TAOK3: variants seen among roughly 807,000 people sequenced by gnomAD.
TAOK3 encodes the protein serine/threonine-protein kinase TAO3.
Under a neutral mutation model 120.4 loss-of-function variants are expected in TAOK3, and 40 were observed. The ratio of observed to expected loss-of-function variants is 0.33; its 90% confidence interval spans 0.26 to 0.43. The LOEUF is 0.43. Ranked by LOEUF, TAOK3 falls within the 20% of genes least tolerant of loss-of-function variation. The pLI is 1.00. For missense variants in TAOK3, 821 were observed against 1,112.1 expected, an observed-to-expected ratio of 0.74 and a Z score of 3.72; for synonymous variants, 355 against 387.5, an observed-to-expected ratio of 0.92 and a Z score of 0.99.
intron 13 of TAOK3, among the ~76,000 whole-genome samples, chr12:118,193,013 A>G (rs887238678): frequency 3.3e-5 from 5 of 151,822 alleles, no homozygotes; most frequent in Non-Finnish European, 7.4e-5. Context: ...AGTTTTAAGT[A>G]AACCTACGTT....
At chr12:118,270,368 A>T (rs1376191244) in intron 1 of TAOK3, among the ~76,000 whole-genome samples, 1 of 152,114 alleles carries the variant, frequency 6.6e-6, no homozygotes, top group East Asian at 1.9e-4. Flanking sequence ...CATCTTTCTA[A>T]AGCATGGTTC....
chr12:118,233,592 T>C, intron 9 of TAOK3, 82 bp downstream of exon 9: 13 of 1,097,024 alleles, frequency 1.2e-5, no homozygotes, highest in Non-Finnish European at 1.8e-5. Flanking sequence ...CTAATCATTA[T>C]GATTCTTAAA....
At chr12:118,296,319 A>T (rs1348239382) in intron 1 of TAOK3, among the ~76,000 whole-genome samples, 1 of 152,158 alleles carries the variant, frequency 6.6e-6, no homozygotes, top group Admixed American at 6.5e-5. Flanking sequence ...TTTTTCGTAG[A>T]GACAGGGTTT....
chr12:118,213,033 G>T (rs1263292956), intron 10 of TAOK3, 38 bp from the exon 11 acceptor site: 1 of 1,403,292 alleles, frequency 7.1e-7, no homozygotes, highest in Non-Finnish European at 9.8e-7. Context: ...TAAACTCAGG[G>T]TCTGTAGAGC....
chr12:118,246,128 T>C, intron 3 of TAOK3: 3 of 1,390,136 alleles, frequency 2.2e-6, no homozygotes, highest in Non-Finnish European at 2.9e-6. Flanking sequence ...GAGGCCCTGG[T>C]GGCCCTGGGA....
At chr12:118,262,312 T>C (rs1048745070) in intron 2 of TAOK3, among the ~76,000 whole-genome samples, 2 of 151,796 alleles carry the variant, frequency 1.3e-5, no homozygotes, top group African/African-American at 4.8e-5. Context: ...TGAAACCCCA[T>C]CTCTATTAAA....
At chr12:118,219,463 A>ATGT (rs1353453052) in intron 9 of TAOK3, among the ~76,000 whole-genome samples, 9 of 152,106 alleles carry the variant, frequency 5.9e-5, no homozygotes, top group African/African-American at 1.7e-4. Context: ...TTTAATAAGT[A>ATGT]TGTATTCAGG....
chr12:118,256,927 A>G (rs1414544116), intron 2 of TAOK3, among the ~76,000 whole-genome samples: 1 of 152,230 alleles, frequency 6.6e-6, no homozygotes, highest in Non-Finnish European at 1.5e-5. Context: ...TTGTAGAGAT[A>G]TTACAAAAAT....
chr12:118,334,470 G>A (rs578204799), intron 1 of TAOK3, among the ~76,000 whole-genome samples: 1 of 152,302 alleles, frequency 6.6e-6, no homozygotes, highest in South Asian at 2.1e-4. Context: ...GAGAAATGGG[G>A]AGTTGCTAAT....
At chr12:118,188,682 T>C (rs1328462261) in intron 14 of TAOK3, among the ~76,000 whole-genome samples, 2 of 152,150 alleles carry the variant, frequency 1.3e-5, no homozygotes, top group African/African-American at 4.8e-5. Flanking sequence ...GAAATAGAAG[T>C]AGAAATCAGG....
At chr12:118,173,779 G>A (rs1195072270) in intron 16 of TAOK3, among the ~76,000 whole-genome samples, 1 of 152,140 alleles carries the variant, frequency 6.6e-6, no homozygotes, top group African/African-American at 2.4e-5. Context: ...TGTTAAGAAA[G>A]TACAGTATAC....
chr12:118,360,567 CAAAAAA>C (rs34592832), intron 1 of TAOK3, among the ~76,000 whole-genome samples: 2 of 86,354 alleles, frequency 2.3e-5, no homozygotes, highest in South Asian at 4.0e-4. Flanking sequence ...GACTCCGTCT[CAAAAAA>C]AAAAAAAAAA....
intron 1 of TAOK3, among the ~76,000 whole-genome samples, chr12:118,319,142 T>C (rs575572038): frequency 5.3e-4 from 80 of 152,366 alleles, no homozygotes; most frequent in Non-Finnish European, 1.0e-3. Flanking sequence ...GGATATGTTA[T>C]CTAGCTTGAT....
chr12:118,254,733 C>T (rs2040906148), intron 3 of TAOK3, among the ~76,000 whole-genome samples: 3 of 151,762 alleles, frequency 2.0e-5, no homozygotes, highest in African/African-American at 7.3e-5. Context: ...TGGAAATGCA[C>T]AAAGCTCAAC....
chr12:118,338,852 G>A (rs1248005379), intron 1 of TAOK3, among the ~76,000 whole-genome samples: 1 of 150,724 alleles, frequency 6.6e-6, no homozygotes, highest in African/African-American at 2.4e-5. Flanking sequence ...CCCTGTCTGA[G>A]GGAACTGGGG....
At position 118,225,980 on chromosome 12, in the gene TAOK3, C is replaced by T. The variant is rs550267574; in HGVS notation, c.643+7694G>A. Among the ~76,000 whole-genome samples, 6 of 152,344 alleles carry T rather than the reference C, an allele frequency of 3.9e-5. No individual in the cohort carries two copies. The East Asian group carries it at 1.2e-3, about 29-fold the overall frequency. On this transcript the variant is annotated intron_variant, in intron 9 of 20. Transcript: ENST00000392533. ...AATGGGCTGGCATGATGGCTTGCGC[C>T]TATAATCCCAACACTTTGGGAGGCC...
chr12:118,255,234 G>A (rs138230915), intron 3 of TAOK3, among the ~76,000 whole-genome samples: 7 of 152,158 alleles, frequency 4.6e-5, no homozygotes, highest in South Asian at 2.1e-4. Context: ...CTTATTTTAC[G>A]AGCAACAGCT....
At chr12:118,153,704 C>T (rs911622699) in intron 19 of TAOK3, among the ~76,000 whole-genome samples, 1 of 152,130 alleles carries the variant, frequency 6.6e-6, no homozygotes, top group African/African-American at 2.4e-5. Context: ...GTCCATTTAC[C>T]CTGAGCTTAT....
At chr12:118,189,272 T>C (rs2037270586) in intron 14 of TAOK3, among the ~76,000 whole-genome samples, 1 of 152,186 alleles carries the variant, frequency 6.6e-6, no homozygotes, top group South Asian at 2.1e-4. Context: ...TTTCTACAAT[T>C]ATATACATTA....
Sources: allele counts gnomAD v4.1 joint callset (sites outside exome capture counted in the v4.1 genomes callset), GRCh38; gene constraint gnomAD v4.1.1; transcripts MANE v1.5; gene names NCBI Gene and HGNC (gene_info 2026-07-23, HGNC 2026-07-21).